GRIN2B: variants seen among roughly 807,000 people sequenced by gnomAD.
GRIN2B encodes glutamate receptor ionotropic, NMDA 2B.
A neutral mutation model predicts 114.5 loss-of-function variants in GRIN2B; 5 were observed. The ratio of observed to expected loss-of-function variants is 0.04; its 90% CI spans 0.02 to 0.09. GRIN2B has a LOEUF of 0.09. Ranked by LOEUF, GRIN2B falls within the 10% of genes least tolerant of loss-of-function variation. GRIN2B has a pLI of 1.00. For synonymous variants in GRIN2B, 787 were observed against 745.1 expected (o/e 1.06, Z -0.92); for missense variants, 1,108 against 1,943.5 (o/e 0.57, Z 8.08).
chr12:13,866,371 C>T, intron 2 of GRIN2B, 145 bp from the exon 3 acceptor site: 1 of 725,362 alleles, frequency 1.4e-6, no homozygotes, highest in Non-Finnish European at 2.4e-6. Flanking sequence ...ACTCTCTTAT[C>T]TCTGGTATTT....
At chr12:13,927,367 GT>G (rs1389502760) in intron 2 of GRIN2B, among the ~76,000 whole-genome samples, 1 of 152,036 alleles carries the variant, frequency 6.6e-6, no homozygotes, top group South Asian at 2.1e-4. Flanking sequence ...GGCTAGAAAT[GT>G]TTTTTTCTGT....
intron 4 of GRIN2B, among the ~76,000 whole-genome samples, chr12:13,747,130 G>C (rs574517246): frequency 6.6e-6 from 1 of 152,180 alleles, no homozygotes; most frequent in Admixed American, 6.5e-5. Context: ...ACAAAAAAGA[G>C]ACAAAGAAGA....
At chr12:13,879,044 T>C (rs893160212) in intron 2 of GRIN2B, among the ~76,000 whole-genome samples, 1 of 152,126 alleles carries the variant, frequency 6.6e-6, no homozygotes, top group Non-Finnish European at 1.5e-5. Context: ...CATGAAAAAA[T>C]TGAGTTTTAG....
At chr12:13,835,056 A>G (rs1396146343) in intron 3 of GRIN2B, among the ~76,000 whole-genome samples, 6 of 152,180 alleles carry the variant, frequency 3.9e-5, no homozygotes, top group African/African-American at 4.8e-5. Flanking sequence ...AAGAAACAGG[A>G]GAGTTAAATC....
intron 3 of GRIN2B, among the ~76,000 whole-genome samples, chr12:13,788,816 T>C (rs1482327288): frequency 6.6e-6 from 1 of 152,182 alleles, no homozygotes; most frequent in Non-Finnish European, 1.5e-5. Context: ...AGAACTATCT[T>C]TGCTGCTAGG....
chr12:13,683,957 A>G (rs906910336), intron 4 of GRIN2B: 1 of 152,160 alleles, frequency 6.6e-6, no homozygotes, highest in Non-Finnish European at 1.5e-5. Context: ...AGCTTGGGAC[A>G]ATGATGTCAT....
intron 2 of GRIN2B, among the ~76,000 whole-genome samples, chr12:13,896,123 A>T (rs969703552): frequency 6.6e-6 from 1 of 152,210 alleles, no homozygotes; most frequent in Non-Finnish European, 1.5e-5. Context: ...AGAGGATCGC[A>T]GTGTGATTTC....
chr12:13,668,641 C>A (rs375692295), intron 5 of GRIN2B, among the ~76,000 whole-genome samples: 20 of 152,090 alleles, frequency 1.3e-4, no homozygotes, highest in African/African-American at 4.6e-4. Context: ...AATCCAGTGG[C>A]CCCGTGTCAT....
intron 2 of GRIN2B, among the ~76,000 whole-genome samples, chr12:13,976,291 G>T (rs1352995057): frequency 1.3e-5 from 2 of 152,224 alleles, no homozygotes; most frequent in East Asian, 3.8e-4. Flanking sequence ...TAACTCTTTT[G>T]ATCTATATTT....
intron 4 of GRIN2B, among the ~76,000 whole-genome samples, chr12:13,697,425 A>T (rs540870538): frequency 6.6e-6 from 1 of 152,192 alleles, no homozygotes; most frequent in East Asian, 1.9e-4. Context: ...TTGTCACCCT[A>T]CTAGCTTTTG....
rs140581502 is a variant in GRIN2B at position 13,665,370 on chromosome 12, C to T, written c.1125+10375G>A. Among the ~76,000 whole-genome samples the T allele has an allele frequency of 2.4e-3, 360 of 152,274 alleles. 1 individual carries two copies. Among genetic ancestry groups the T allele is most frequent in the African/African-American group, 8.3e-3 (343 of 41,566 alleles). On this transcript the variant is annotated intron_variant, in intron 5 of 13. Coordinates refer to ENST00000609686, the MANE Select transcript of GRIN2B (RefSeq NM_000834.5). ...AGCCTCCACACCTCCAGCTCCACCC[C>T]AGATGCTGGACCATTTCTTAACACG...
intron 5 of GRIN2B, among the ~76,000 whole-genome samples, chr12:13,658,307 G>A (rs1949887632): frequency 6.6e-6 from 1 of 152,004 alleles, no homozygotes. Context: ...ATCTCTGGGT[G>A]GTTGAATTTG....
chr12:13,847,318 G>T (rs945893361), intron 3 of GRIN2B, among the ~76,000 whole-genome samples: 12 of 152,098 alleles, frequency 7.9e-5, no homozygotes, highest in Non-Finnish European at 8.8e-5. Context: ...GCTGCTGGAG[G>T]GAATCTCTGC....
chr12:13,920,955 C>T (rs1185605830), intron 2 of GRIN2B, among the ~76,000 whole-genome samples: 2 of 152,088 alleles, frequency 1.3e-5, no homozygotes, highest in Non-Finnish European at 2.9e-5. Context: ...GGATTTGTAC[C>T]AATCCTAACG....
intron 3 of GRIN2B, among the ~76,000 whole-genome samples, chr12:13,796,138 C>A (rs1864415724): frequency 6.8e-6 from 1 of 147,414 alleles, no homozygotes; most frequent in African/African-American, 2.5e-5. Flanking sequence ...AAGAGTTCAA[C>A]ACACATTGGC....
intron 10 of GRIN2B, among the ~76,000 whole-genome samples, chr12:13,580,571 A>G (rs1432448118): frequency 6.6e-6 from 1 of 152,192 alleles, no homozygotes; most frequent in East Asian, 1.9e-4. Flanking sequence ...AAGGCTTAGG[A>G]GATGTGAATG....
intron 2 of GRIN2B, among the ~76,000 whole-genome samples, chr12:13,936,604 C>A (rs925115418): frequency 3.9e-5 from 6 of 152,090 alleles, no homozygotes; most frequent in African/African-American, 1.4e-4. Context: ...CTAAGGGAAA[C>A]AACAGAATCT....
Position 13,563,573 on chromosome 12 carries a change from A to G in GRIN2B, c.3665T>C (p.Leu1222Pro), listed in dbSNP as rs1408855017. The G allele has an allele frequency of 6.2e-7, 1 of 1,614,096 alleles. No individual in the cohort carries two copies. Among genetic ancestry groups the G allele is most frequent in the East Asian group, 2.2e-5 (1 of 44,854 alleles). The change falls in exon 14 of 14, where the codon CTG becomes CCG. Residue 1222 changes from leucine to proline, a missense_variant. Around this residue, in one of 19 missense-constraint regions of GRIN2B, gnomAD observed 478 missense variants for 506.0 expected, o/e 0.94. Coordinates refer to ENST00000609686, the MANE Select transcript of GRIN2B (RefSeq NM_000834.5). The stretch of plus-strand genomic sequence containing the variant: ...CGTCACCGTCGTGGAGTAGTTGTGC[A>G]GCTTGGAGGGACAGCTGCGGCAGAA... Reference protein sequence around the residue: ...GNFCRSCPSKLHNYSTTVTGQ... With the variant: ...GNFCRSCPSKPHNYSTTVTGQ...
At chr12:13,919,168 A>G (rs369264943) in intron 2 of GRIN2B, among the ~76,000 whole-genome samples, 37 of 152,284 alleles carry the variant, frequency 2.4e-4, no homozygotes, top group African/African-American at 8.7e-4. Flanking sequence ...TCCCACAAAT[A>G]TGCACACGGA....
Sources: gnomAD v4.1 joint callset for allele counts (sites outside exome capture counted in the v4.1 genomes callset) on GRCh38, gnomAD v4.1.1 for gene constraint, gnomAD v4.1.1 regional missense constraint, MANE v1.5 for transcripts, NCBI Gene and HGNC (gene_info 2026-07-23, HGNC 2026-07-21) for gene names.